The following CDH13 variants were observed in gnomAD, a reference collection of about 807,000 sequenced individuals.
The protein encoded by CDH13 is cadherin 13.
In CDH13, 24 loss-of-function variants were observed where a neutral mutation model predicts 63.8. The observed-to-expected ratio is 0.38, with a 90% confidence interval of 0.27 to 0.53. The LOEUF is 0.53. Among genes scored for constraint, CDH13 ranks in the 20% least tolerant of loss-of-function variants. The pLI, the probability that CDH13 is intolerant of heterozygous loss-of-function variation, is 0.85. For missense variants in CDH13, 1,049 were observed against 903.1 expected, an observed-to-expected ratio of 1.16 and a Z score of -2.07; for synonymous variants, 503 against 355.3, an observed-to-expected ratio of 1.42 and a Z score of -4.67.
At chr16:83,689,073 T>C (rs1904591900) in intron 10 of CDH13, among the ~76,000 whole-genome samples, 1 of 152,200 alleles carries the variant, frequency 6.6e-6, no homozygotes, top group Admixed American at 6.5e-5. Context: ...CGACCACCTT[T>C]TTAACATCCA....
intron 2 of CDH13, among the ~76,000 whole-genome samples, chr16:82,971,203 A>G (rs765770445): frequency 5.9e-5 from 9 of 152,214 alleles, no homozygotes; most frequent in Non-Finnish European, 7.3e-5. Flanking sequence ...ACTGGCTTCC[A>G]TAACTCACCA....
chr16:83,058,019 C>A (rs765123044), intron 3 of CDH13, among the ~76,000 whole-genome samples: 1 of 152,168 alleles, frequency 6.6e-6, no homozygotes, highest in Non-Finnish European at 1.5e-5. Context: ...ATTATCATGA[C>A]TCACAGCAAC....
intron 6 of CDH13, among the ~76,000 whole-genome samples, chr16:83,404,761 T>A (rs757169698): frequency 4.6e-5 from 7 of 152,192 alleles, no homozygotes; most frequent in Non-Finnish European, 1.0e-4. Context: ...TGTATATCCT[T>A]TTGTGCTGTG....
intron 1 of CDH13, among the ~76,000 whole-genome samples, chr16:82,637,296 G>A (rs569081880): frequency 6.6e-6 from 1 of 152,182 alleles, no homozygotes; most frequent in South Asian, 2.1e-4. Context: ...GATTCCGAAC[G>A]TGTCTATCTT....
intron 2 of CDH13, among the ~76,000 whole-genome samples, chr16:83,010,135 CAAAAAAAAAAAAAA>C (rs67985333): frequency 8.0e-5 from 4 of 50,118 alleles, no homozygotes; most frequent in African/African-American, 3.7e-4. Context: ...AACTCTGTCT[CAAAAAAAAAAAAAA>C]AAAAAAAAAA....
intron 6 of CDH13, among the ~76,000 whole-genome samples, chr16:83,413,766 T>A (rs1163558232): frequency 2.6e-5 from 4 of 152,076 alleles, no homozygotes; most frequent in Non-Finnish European, 5.9e-5. Flanking sequence ...GGCGAGAGGA[T>A]CACCTGAGGT....
At chr16:82,965,886 G>C (rs892249005) in intron 2 of CDH13, among the ~76,000 whole-genome samples, 1 of 152,198 alleles carries the variant, frequency 6.6e-6, no homozygotes, top group South Asian at 2.1e-4. Context: ...ATATGGAGGA[G>C]TACTTTAAAG....
chr16:82,757,153 C>T (rs894196233), intron 1 of CDH13, among the ~76,000 whole-genome samples: 4 of 152,130 alleles, frequency 2.6e-5, no homozygotes, highest in Non-Finnish European at 5.9e-5. Context: ...TGTATTGTAT[C>T]CTATCTACTC....
intron 4 of CDH13, among the ~76,000 whole-genome samples, chr16:83,127,037 G>C (rs1453227233): frequency 6.6e-6 from 1 of 152,148 alleles, no homozygotes; most frequent in Non-Finnish European, 1.5e-5. Flanking sequence ...TTTGAGGGGA[G>C]ACTGGAAGGG....
chr16:83,110,755 C>T (rs1332590076), intron 3 of CDH13, among the ~76,000 whole-genome samples: 1 of 151,968 alleles, frequency 6.6e-6, no homozygotes, highest in Non-Finnish European at 1.5e-5. Flanking sequence ...GGGCTTCTTT[C>T]TGAAATTTTT....
chr16:82,770,367 A>G (rs1256944924), intron 1 of CDH13, among the ~76,000 whole-genome samples: 1 of 152,252 alleles, frequency 6.6e-6, no homozygotes, highest in Non-Finnish European at 1.5e-5. Flanking sequence ...AAAAAGGAAA[A>G]GGAAGAAAAT....
chr16:83,268,780 C>A (rs910630602), intron 5 of CDH13, among the ~76,000 whole-genome samples: 23 of 152,170 alleles, frequency 1.5e-4, no homozygotes, highest in African/African-American at 5.1e-4. Flanking sequence ...TTGGGTATAA[C>A]CACTTGAAGC....
At chr16:82,688,545 A>G (rs932778251) in intron 1 of CDH13, among the ~76,000 whole-genome samples, 14 of 152,224 alleles carry the variant, frequency 9.2e-5, no homozygotes, top group African/African-American at 3.1e-4. Context: ...AGAAATATTT[A>G]TTGAATAAAA....
chr16:83,092,108 C>T (rs1223847453), intron 3 of CDH13, among the ~76,000 whole-genome samples: 1 of 152,188 alleles, frequency 6.6e-6, no homozygotes, highest in Admixed American at 6.5e-5. Flanking sequence ...ATTCATATCA[C>T]TGCATTCATT....
chr16:83,183,614 C>G (rs1567486132), intron 4 of CDH13, among the ~76,000 whole-genome samples: 1 of 152,182 alleles, frequency 6.6e-6, no homozygotes, highest in Non-Finnish European at 1.5e-5. Flanking sequence ...TCTTGTGTTT[C>G]TTTCCAAAGT....
chr16:83,152,147 T>C (rs2037009511), intron 4 of CDH13, among the ~76,000 whole-genome samples: 1 of 152,226 alleles, frequency 6.6e-6, no homozygotes, highest in Non-Finnish European at 1.5e-5. Context: ...ATTAAACTGC[T>C]GTGAAATACA....
At chr16:83,303,684 GA>G (rs2089803763) in intron 5 of CDH13, among the ~76,000 whole-genome samples, 1 of 152,180 alleles carries the variant, frequency 6.6e-6, no homozygotes, top group Admixed American at 6.5e-5. Flanking sequence ...CTTTGGGAGT[GA>G]AAGGTGATTG....
intron 2 of CDH13, among the ~76,000 whole-genome samples, chr16:83,022,619 G>C (rs1167337540): frequency 6.6e-6 from 1 of 152,148 alleles, no homozygotes; most frequent in Non-Finnish European, 1.5e-5. Context: ...CCTGGAGGTG[G>C]ATCTGTGCAT....
rs116150811 is a variant in CDH13 at position 83,361,245 on chromosome 16, C to G, written c.781+16239C>G. On this transcript the variant is annotated intron_variant, in intron 6 of 13. Transcript: ENST00000567109. ...TTGTTTGTCTTCTTCTGAGAAGTGTCTGTTCATGCCTTTGCCCACATTTTA... is the reference window on the plus strand; with the variant it reads ...TTGTTTGTCTTCTTCTGAGAAGTGTGTGTTCATGCCTTTGCCCACATTTTA... Among the ~76,000 whole-genome samples the G allele has an allele frequency of 9.2e-3, 1,394 of 152,308 alleles. 16 individuals are homozygous for G. Among genetic ancestry groups the G allele is most frequent in the African/African-American group, 0.031 (1,293 of 41,568 alleles).
Sources: allele counts gnomAD v4.1 joint callset (sites outside exome capture counted in the v4.1 genomes callset), GRCh38; gene constraint gnomAD v4.1.1; transcripts MANE v1.5; gene names NCBI Gene and HGNC (gene_info 2026-07-23, HGNC 2026-07-21).